The following BTBD9 variants were observed in gnomAD, a reference collection of about 807,000 sequenced individuals.
BTBD9 encodes the protein BTB domain containing 9.
A neutral mutation model predicts 64.3 loss-of-function variants in BTBD9; 49 were observed. The observed-to-expected ratio is 0.76, with a 90% CI of 0.61 to 0.97. BTBD9 has a LOEUF of 0.97. BTBD9 is among the 50% of genes least tolerant of loss of function. The pLI is 0.00. For synonymous variants in BTBD9, 260 were observed against 274.7 expected (o/e 0.95, Z 0.53); for missense variants, 598 against 762.1 (o/e 0.78, Z 2.53).
chr6:38,478,173 T>G lies in BTBD9; in HGVS notation c.1154+99427A>C, dbSNP rs941558377. ...AGGAAGGGGGAGGGGGTCAGAAGTTTAAAAATTTTACCACCAGTCTCTGAT... is the reference window on the plus strand; with the variant it reads ...AGGAAGGGGGAGGGGGTCAGAAGTTGAAAAATTTTACCACCAGTCTCTGAT... On this transcript the variant is annotated intron_variant, in intron 6 of 10. Coordinates refer to ENST00000481247, the MANE Select transcript of BTBD9 (RefSeq NM_001099272.2). Among the ~76,000 whole-genome samples the G allele has an allele frequency of 6.6e-5, 10 of 152,156 alleles. 1 individual carries two copies. The South Asian group carries it at 2.1e-3, about 32-fold the overall frequency.
intron 7 of BTBD9, among the ~76,000 whole-genome samples, chr6:38,343,019 G>A (rs1271388880): frequency 6.6e-6 from 1 of 152,198 alleles, no homozygotes; most frequent in Non-Finnish European, 1.5e-5. Context: ...CTTCTGGCAA[G>A]CGCATGTACA....
intron 6 of BTBD9, among the ~76,000 whole-genome samples, chr6:38,468,144 G>A (rs991095724): frequency 2.0e-5 from 3 of 152,082 alleles, no homozygotes; most frequent in African/African-American, 7.2e-5. Context: ...TTCCCGAAGT[G>A]CTGAGATTAC....
intron 6 of BTBD9, among the ~76,000 whole-genome samples, chr6:38,527,237 C>CTA (rs1773543190): frequency 7.7e-6 from 1 of 129,946 alleles, no homozygotes; most frequent in Non-Finnish European, 1.5e-5. Flanking sequence ...GATCGCACCA[C>CTA]TGCACTCCAG....
chr6:38,535,458 C>G (rs1283351989), intron 6 of BTBD9, among the ~76,000 whole-genome samples: 1 of 151,980 alleles, frequency 6.6e-6, no homozygotes, highest in Non-Finnish European at 1.5e-5. Context: ...TCAATGCAAT[C>G]ATAATCAAAA....
chr6:38,561,168 C>T (rs1011893340), intron 6 of BTBD9, among the ~76,000 whole-genome samples: 2 of 152,182 alleles, frequency 1.3e-5, no homozygotes, highest in Non-Finnish European at 2.9e-5. Flanking sequence ...CACTGCTTTC[C>T]ACAGTGGTTG....
intron 6 of BTBD9, among the ~76,000 whole-genome samples, chr6:38,408,509 T>C (rs772952844): frequency 6.6e-6 from 1 of 152,208 alleles, no homozygotes; most frequent in Non-Finnish European, 1.5e-5. Flanking sequence ...AATGTTTGTT[T>C]TTCCTTTGCT....
intron 7 of BTBD9, among the ~76,000 whole-genome samples, chr6:38,290,371 C>A (rs1761911147): frequency 6.6e-6 from 1 of 151,590 alleles, no homozygotes; most frequent in African/African-American, 2.4e-5. Flanking sequence ...TATGGTACTT[C>A]TATCTCCTGG....
intron 10 of BTBD9, among the ~76,000 whole-genome samples, chr6:38,180,214 G>A (rs1421592974): frequency 6.6e-6 from 1 of 152,232 alleles, no homozygotes; most frequent in Non-Finnish European, 1.5e-5. Context: ...GGGGGCCTGT[G>A]GGTGGTCCCG....
intron 6 of BTBD9, among the ~76,000 whole-genome samples, chr6:38,410,991 T>C (rs185637396): frequency 1.3e-5 from 2 of 152,264 alleles, no homozygotes; most frequent in Admixed American, 1.3e-4. Flanking sequence ...CACATTCTGA[T>C]TGCTGACCAG....
chr6:38,392,857 C>T (rs1321104969), intron 6 of BTBD9, among the ~76,000 whole-genome samples: 2 of 149,614 alleles, frequency 1.3e-5, no homozygotes, highest in Non-Finnish European at 1.5e-5. Context: ...ATTTATTTTG[C>T]TCATCCTTAA....
At chr6:38,441,768 T>TG (rs2127315954) in intron 6 of BTBD9, among the ~76,000 whole-genome samples, 1 of 152,294 alleles carries the variant, frequency 6.6e-6, no homozygotes, top group East Asian at 1.9e-4. Context: ...GAGCTTTTAC[T>TG]GGGTGCCAGA....
intron 9 of BTBD9, among the ~76,000 whole-genome samples, chr6:38,256,148 C>T (rs933227998): frequency 2.6e-5 from 4 of 151,562 alleles, no homozygotes; most frequent in African/African-American, 7.3e-5. Flanking sequence ...AAAGTTTTTT[C>T]GCTATTTAGG....
chr6:38,208,520 C>A (rs143539517), intron 9 of BTBD9, among the ~76,000 whole-genome samples: 95 of 152,208 alleles, frequency 6.2e-4, no homozygotes, highest in Admixed American at 2.0e-3. Context: ...GCATGTCTGT[C>A]CCCGCTAGGT....
intron 9 of BTBD9, among the ~76,000 whole-genome samples, chr6:38,250,995 T>A (rs1561927029): frequency 6.6e-6 from 1 of 150,762 alleles, no homozygotes; most frequent in Non-Finnish European, 1.5e-5. Context: ...GGCAGGAGAA[T>A]CACTTGAACC....
intron 7 of BTBD9, among the ~76,000 whole-genome samples, chr6:38,334,818 A>C (rs9462429): frequency 0.084 from 12,823 of 152,040 alleles, 967 homozygotes; most frequent in African/African-American, 0.19. Context: ...ATCCTATAAA[A>C]CAAGAGCAGT....
At chr6:38,575,806 G>A (rs1413622334) in intron 6 of BTBD9, among the ~76,000 whole-genome samples, 1 of 151,310 alleles carries the variant, frequency 6.6e-6, no homozygotes, top group Non-Finnish European at 1.5e-5. Context: ...AACCAGAATT[G>A]GGAGCTGGCT....
chr6:38,271,724 A>G (rs1313778237), intron 8 of BTBD9, among the ~76,000 whole-genome samples: 1 of 152,214 alleles, frequency 6.6e-6, no homozygotes, highest in Non-Finnish European at 1.5e-5. Context: ...AGCAGTAAAG[A>G]GTTATGGCGC....
chr6:38,195,631 A>G (rs1469796839), intron 9 of BTBD9, among the ~76,000 whole-genome samples: 1 of 152,210 alleles, frequency 6.6e-6, no homozygotes, highest in African/African-American at 2.4e-5. Flanking sequence ...AACACCAGTC[A>G]CCTGCTCACA....
At chr6:38,183,128 C>T (rs1300529091) in intron 10 of BTBD9, among the ~76,000 whole-genome samples, 15 of 151,936 alleles carry the variant, frequency 9.9e-5, no homozygotes, top group East Asian at 3.9e-4. Context: ...TACAGGCGCC[C>T]GCCACCACAC....
Sources: gnomAD v4.1 joint callset for allele counts (sites outside exome capture counted in the v4.1 genomes callset) on GRCh38, gnomAD v4.1.1 for gene constraint, MANE v1.5 for transcripts, NCBI Gene and HGNC (gene_info 2026-07-23, HGNC 2026-07-21) for gene names.